PRKCA: variants seen among roughly 807,000 people sequenced by gnomAD.
PRKCA encodes the protein protein kinase C alpha type.
Under a neutral mutation model 87.0 loss-of-function variants are expected in PRKCA, and 27 were observed. The observed-to-expected ratio is 0.31, with a 90% CI of 0.23 to 0.43. The LOEUF (loss-of-function observed/expected upper bound fraction) is 0.43. Among genes scored for constraint, PRKCA ranks in the 20% least tolerant of loss-of-function variants. PRKCA has a pLI of 1.00. For missense variants in PRKCA, 518 were observed against 852.3 expected, an observed-to-expected ratio of 0.61 and a Z score of 4.88; for synonymous variants, 329 against 311.1, an observed-to-expected ratio of 1.06 and a Z score of -0.61.
intron 13 of PRKCA, among the ~76,000 whole-genome samples, chr17:66,764,648 G>T (rs2144307224): frequency 6.6e-6 from 1 of 152,328 alleles, no homozygotes; most frequent in South Asian, 2.1e-4. Context: ...GCCTTGTTGG[G>T]GGTCTGTCTT....
chr17:66,502,627 G>A (rs886795852), intron 3 of PRKCA, among the ~76,000 whole-genome samples: 1 of 151,454 alleles, frequency 6.6e-6, no homozygotes, highest in Non-Finnish European at 1.5e-5. Context: ...CCTGCTCTTA[G>A]GGCCACAATG....
chr17:66,682,056 G>T (rs780955115), intron 5 of PRKCA, among the ~76,000 whole-genome samples: 1 of 152,152 alleles, frequency 6.6e-6, no homozygotes, highest in Non-Finnish European at 1.5e-5. Context: ...CCAGTCCTGC[G>T]AGCTGAGGAG....
At chr17:66,531,940 G>T (rs1162888295) in intron 3 of PRKCA, among the ~76,000 whole-genome samples, 2 of 152,104 alleles carry the variant, frequency 1.3e-5, no homozygotes, top group East Asian at 1.9e-4. Context: ...TCCCAGAGAG[G>T]AGCTGTGTTC....
intron 2 of PRKCA, among the ~76,000 whole-genome samples, chr17:66,493,572 C>T (rs1216864255): frequency 6.6e-6 from 1 of 151,988 alleles, no homozygotes; most frequent in Non-Finnish European, 1.5e-5. Context: ...TCCCTGCCTC[C>T]CTTCCTGTCT....
chr17:66,460,583 C>G (rs1914798744), intron 2 of PRKCA, among the ~76,000 whole-genome samples: 1 of 152,182 alleles, frequency 6.6e-6, no homozygotes, highest in Non-Finnish European at 1.5e-5. Flanking sequence ...GCCTCTGCTG[C>G]TCATTACGTT....
At chr17:66,352,858 G>T (rs565302553) in intron 2 of PRKCA, among the ~76,000 whole-genome samples, 1 of 151,470 alleles carries the variant, frequency 6.6e-6, no homozygotes, top group Non-Finnish European at 1.5e-5. Flanking sequence ...CACCGTGCCC[G>T]GCCTGAGTTG....
At chr17:66,464,875 G>T (rs190995371) in intron 2 of PRKCA, among the ~76,000 whole-genome samples, 2 of 152,088 alleles carry the variant, frequency 1.3e-5, no homozygotes, top group Non-Finnish European at 2.9e-5. Context: ...ATGAAATCCA[G>T]CTTACCAATT....
chr17:66,484,849 T>C (rs1915930475), intron 2 of PRKCA, among the ~76,000 whole-genome samples: 1 of 152,206 alleles, frequency 6.6e-6, no homozygotes, highest in African/African-American at 2.4e-5. Flanking sequence ...TATAATTTTT[T>C]TTAAGTTAGA....
rs561089138 is a variant in PRKCA, at chr17:66,592,297, A to G, written c.289-49058A>G. ...TTGAACCCAAGAGGTAGAGGTTGCC[A>G]TGAGCCAAGATTGCACCACTGCACT... On this transcript the variant is annotated intron_variant, in intron 3 of 16. Transcript: ENST00000413366. Among the ~76,000 whole-genome samples the G allele has an allele frequency of 3.8e-3, 546 of 142,558 alleles. 3 individuals carry two copies. The highest frequency in any genetic ancestry group is 7.1e-3 in the African/African-American group (265 of 37,474). 93.5% of individuals were successfully genotyped at this position (142,558 alleles called of 152,430 possible).
At chr17:66,653,764 T>G (rs910955471) in intron 5 of PRKCA, among the ~76,000 whole-genome samples, 2 of 148,802 alleles carry the variant, frequency 1.3e-5, no homozygotes, top group African/African-American at 2.5e-5. Context: ...AGACACCAGC[T>G]TCTATTTCCT....
intron 3 of PRKCA, among the ~76,000 whole-genome samples, chr17:66,628,305 T>C (rs1970914215): frequency 6.6e-6 from 1 of 152,134 alleles, no homozygotes; most frequent in African/African-American, 2.4e-5. Context: ...ATGGTAGTGT[T>C]ATTCATAACA....
At chr17:66,768,226 G>A (rs1260409413) in intron 13 of PRKCA, among the ~76,000 whole-genome samples, 1 of 150,880 alleles carries the variant, frequency 6.6e-6, no homozygotes, top group Non-Finnish European at 1.5e-5. Context: ...TTACAAGCGT[G>A]AGCCACCATG....
Position 66,311,575 on chromosome 17 carries a change from C to G in PRKCA, c.205+5448C>G, listed in dbSNP as rs531824636. ...GAGGATGCAATGAGGTGTGATCGTG[C>G]CACTGCATTCCAGCCTGGGCGACAG... On this transcript the variant is annotated intron_variant, in intron 2 of 16. Coordinates refer to ENST00000413366, the MANE Select transcript of PRKCA (RefSeq NM_002737.3). 1.9e-4 allele frequency among the ~76,000 whole-genome samples: 29 copies of G among 152,262 alleles called. 1 individual carries two copies. The highest frequency in any genetic ancestry group is 5.2e-4 in the Admixed American group (8 of 15,298).
Position 66,313,278 on chromosome 17 carries a change from T to C in PRKCA, c.205+7151T>C, listed in dbSNP as rs1018534654. Among the ~76,000 whole-genome samples, 5 of 152,348 alleles carry C rather than the reference T, an allele frequency of 3.3e-5. No homozygotes were observed. In the East Asian group the frequency reaches 9.6e-4, roughly 29 times the overall value. ...GTGACTTCTGCCTGGCTGCCTTTTC[T>C]ATATTTTTTTAAAGCAAGTTTATAA... On this transcript the variant is annotated intron_variant, in intron 2 of 16. Transcript: ENST00000413366.
chr17:66,735,713 G>A (rs373797512), intron 10 of PRKCA, 51 bp downstream of exon 10: 35 of 1,571,916 alleles, frequency 2.2e-5, no homozygotes, highest in African/African-American at 8.1e-5. Flanking sequence ...TCAGAGCTAC[G>A]CCTCAGCCCA....
intron 8 of PRKCA, among the ~76,000 whole-genome samples, chr17:66,708,020 G>A (rs1049264951): frequency 2.0e-5 from 3 of 152,210 alleles, no homozygotes; most frequent in Admixed American, 1.3e-4. Flanking sequence ...GTCCAGGAAC[G>A]TGTGGCCAAG....
intron 2 of PRKCA, among the ~76,000 whole-genome samples, chr17:66,380,209 GT>G (rs1036374664): frequency 1.3e-3 from 188 of 142,970 alleles, no homozygotes; most frequent in African/African-American, 1.2e-3. Flanking sequence ...GCTTCATAGG[GT>G]TTTTTTTTTT....
At chr17:66,596,003 C>T (rs867394567) in intron 3 of PRKCA, among the ~76,000 whole-genome samples, 1 of 152,194 alleles carries the variant, frequency 6.6e-6, no homozygotes, top group African/African-American at 2.4e-5. Context: ...CTGGCTCATC[C>T]TGTAGGGATG....
intron 8 of PRKCA, among the ~76,000 whole-genome samples, chr17:66,706,569 C>T (rs1198873470): frequency 2.0e-5 from 3 of 149,942 alleles, no homozygotes; most frequent in East Asian, 2.0e-4. Flanking sequence ...ACCCGGGAGG[C>T]GGAGCTTGCA....
Sources: gnomAD v4.1 joint callset for allele counts (sites outside exome capture counted in the v4.1 genomes callset) on GRCh38, gnomAD v4.1.1 for gene constraint, MANE v1.5 for transcripts, NCBI Gene and HGNC (gene_info 2026-07-23, HGNC 2026-07-21) for gene names.